C4orf36: variants seen among roughly 807,000 people sequenced by gnomAD.
C4orf36 encodes the protein uncharacterized protein C4orf36.
In C4orf36, 11 loss-of-function variants were observed where a neutral mutation model predicts 12.2. The observed-to-expected ratio is 0.90, with a 90% CI of 0.57 to 1.49. The LOEUF (loss-of-function observed/expected upper bound fraction) is 1.49, where lower values mean the gene tolerates loss of function less well. Ranked by LOEUF, C4orf36 falls within the 40% of genes most tolerant of loss-of-function variation. The probability of loss-of-function intolerance (pLI) is 0.00; values close to 1 mark genes in which losing one functional copy is unlikely to be tolerated. For synonymous variants in C4orf36, 54 were observed against 51.3 expected (o/e 1.05, Z -0.22); for missense variants, 137 against 133.9 (o/e 1.02, Z -0.11).
chr4:86,914,546 G>A, the C4orf36 span, among the ~76,000 whole-genome samples: 2 of 151,352 alleles, frequency 1.3e-5, no homozygotes, highest in East Asian at 1.9e-4. Context: ...GATTACAGGC[G>A]CCCGCCACAC....
the C4orf36 span, among the ~76,000 whole-genome samples, chr4:86,897,856 G>A: frequency 2.6e-5 from 4 of 152,158 alleles, no homozygotes; most frequent in African/African-American, 4.8e-5. Flanking sequence ...CATCTGCCAC[G>A]GAGCAGCTTA....
the C4orf36 span, among the ~76,000 whole-genome samples, chr4:86,906,518 C>T: frequency 1.1e-4 from 16 of 147,290 alleles, no homozygotes; most frequent in South Asian, 2.2e-4. Flanking sequence ...GCTTGAGGCC[C>T]GGAGTTCGAG....
chr4:86,893,723 T>C (rs28650493), upstream of C4orf36, among the ~76,000 whole-genome samples: 48,555 of 151,906 alleles, frequency 0.32, 8,300 homozygotes, highest in Non-Finnish European at 0.37. Flanking sequence ...GTGAGGACTG[T>C]CACTCGCTCT....
At chr4:86,920,755 T>C in the C4orf36 span, among the ~76,000 whole-genome samples, 1 of 152,158 alleles carries the variant, frequency 6.6e-6, no homozygotes, top group Non-Finnish European at 1.5e-5. Flanking sequence ...CATTAATCCA[T>C]TCATGAGGGT....
rs878909060 is a variant in C4orf36, at chr4:86,876,539, A to G, written c.*3-96T>C. The G allele has an allele frequency of 7.4e-6, 12 of 1,613,940 alleles. No individual in the cohort carries two copies. In the South Asian group the frequency reaches 1.1e-4, roughly 15 times the overall value. On this transcript the variant is annotated intron_variant, in intron 4 of 4. Transcript: ENST00000295898. Reference sequence around the variant, plus strand: ...TAGAAATGTCGGATTGTGTGAAGCTATTGTACAGTTTACAAGGACCTTTAG... The same window carrying G: ...TAGAAATGTCGGATTGTGTGAAGCTGTTGTACAGTTTACAAGGACCTTTAG...
chr4:86,902,801 AG>A, the C4orf36 span, among the ~76,000 whole-genome samples: 7 of 152,064 alleles, frequency 4.6e-5, no homozygotes. Context: ...AACATCCTAT[AG>A]TTTATTATGT....
intron 4 of C4orf36, among the ~76,000 whole-genome samples, chr4:86,884,902 G>C (rs1452248830): frequency 1.3e-5 from 2 of 152,164 alleles, no homozygotes; most frequent in African/African-American, 4.8e-5. Flanking sequence ...AAGGGATCCA[G>C]TTTCAGCTTT....
the C4orf36 span, among the ~76,000 whole-genome samples, chr4:86,912,166 C>T: frequency 6.6e-6 from 1 of 152,044 alleles, no homozygotes; most frequent in African/African-American, 2.4e-5. Context: ...TGAGCCACTG[C>T]ACTCAGCCAT....
At chr4:86,897,068 G>A (rs1189274881), upstream of C4orf36, among the ~76,000 whole-genome samples, 8 of 152,018 alleles carry the variant, frequency 5.3e-5, no homozygotes, top group Non-Finnish European at 7.4e-5. Context: ...ATGTTTAAAG[G>A]GCTCTAAAAT....
At chr4:86,902,438 A>G in the C4orf36 span, among the ~76,000 whole-genome samples, 62 of 150,500 alleles carry the variant, frequency 4.1e-4, no homozygotes, top group African/African-American at 1.4e-3. Flanking sequence ...AAAAAAAAAA[A>G]AAAAGAAAGA....
rs779207512 is a variant in C4orf36, at chr4:86,887,722, G to A, written c.*2+36C>T. The A allele has an allele frequency of 7.4e-6, 12 of 1,612,860 alleles. No homozygotes were observed. The South Asian group carries it at 1.3e-4, about 18-fold the overall frequency. ...CCAGAGACCTTCATGCCCTTTGGATGCAAGACACAGAGTACAGATTCAATC... is the reference window on the plus strand; with the variant it reads ...CCAGAGACCTTCATGCCCTTTGGATACAAGACACAGAGTACAGATTCAATC... On this transcript the variant is annotated intron_variant, in intron 4 of 4. Coordinates refer to ENST00000295898, the MANE Select transcript of C4orf36 (RefSeq NM_144645.4).
the C4orf36 span, chr4:86,935,886 C>T: frequency 1.3e-5 from 2 of 152,214 alleles, no homozygotes; most frequent in African/African-American, 4.8e-5. Flanking sequence ...CCTCGGGTGT[C>T]CCATCCTCTG....
the C4orf36 span, among the ~76,000 whole-genome samples, chr4:86,922,204 A>T: frequency 0.012 from 1,871 of 152,338 alleles, 17 homozygotes; most frequent in Non-Finnish European, 0.02. Flanking sequence ...CACCAGACAC[A>T]AATAATTTTC....
At position 86,887,788 on chromosome 4, in the gene C4orf36, C is replaced by T. The variant is rs1747232846; in HGVS notation, c.326G>A (p.Gly109Asp). ...TTTAGATGGAAGAGGTCTTCTCAAA[C>T]CGGCTGGCCTTTCCCTCAGGAGAAG... ...IQLLLRERPA[G>D]LRRPLPSK The change falls in exon 4 of 5, where the codon GGT becomes GAT. Residue 109 changes from glycine (G) to aspartate (D), a missense_variant. Transcript: ENST00000295898. The T allele has an allele frequency of 6.2e-7, 1 of 1,614,120 alleles. No individual in the cohort carries two copies.
the C4orf36 span, among the ~76,000 whole-genome samples, chr4:86,927,830 A>C: frequency 2.0e-5 from 3 of 151,834 alleles, no homozygotes; most frequent in African/African-American, 7.3e-5. Context: ...GAAAGCCTGG[A>C]GTCTAGAATG....
At chr4:86,919,331 T>TCCC in the C4orf36 span, among the ~76,000 whole-genome samples, 1 of 140,186 alleles carries the variant, frequency 7.1e-6, no homozygotes, top group Non-Finnish European at 1.5e-5. Context: ...TTTTTTTTTT[T>TCCC]TTTTTTTTTG....
chr4:86,916,658 T>C, the C4orf36 span, among the ~76,000 whole-genome samples: 1 of 152,214 alleles, frequency 6.6e-6, no homozygotes, highest in Admixed American at 6.5e-5. Flanking sequence ...CAGAAATTCA[T>C]TCTCATTAGA....
At chr4:86,889,438 G>A (rs1747308004) in intron 2 of C4orf36, among the ~76,000 whole-genome samples, 2 of 151,742 alleles carry the variant, frequency 1.3e-5, no homozygotes, top group Non-Finnish European at 2.9e-5. Flanking sequence ...TGTAATGAAA[G>A]AATAAGGATT....
chr4:86,883,404 CT>C (rs926831646), intron 4 of C4orf36, among the ~76,000 whole-genome samples: 1 of 152,158 alleles, frequency 6.6e-6, no homozygotes, highest in African/African-American at 2.4e-5. Context: ...AATTTCAAGA[CT>C]CCTGGTCTGC....
Sources: gnomAD v4.1 joint callset for allele counts (sites outside exome capture counted in the v4.1 genomes callset) on GRCh38, gnomAD v4.1.1 for gene constraint, MANE v1.5 for transcripts, NCBI Gene and HGNC (gene_info 2026-07-23, HGNC 2026-07-21) for gene names.